TMEFF1: variants seen among roughly 807,000 people sequenced by gnomAD.
TMEFF1 encodes the protein transmembrane protein with EGF like and two follistatin like domains 1.
A neutral mutation model predicts 47.5 loss-of-function variants in TMEFF1; 20 were observed. That is an observed-to-expected ratio of 0.42 (90% CI 0.30 to 0.61). TMEFF1 has a LOEUF of 0.61. Ranked by LOEUF, TMEFF1 falls within the 20% of genes least tolerant of loss-of-function variation. TMEFF1 has a pLI of 0.19. For synonymous variants in TMEFF1, 162 were observed against 166.3 expected (o/e 0.97, Z 0.20); for missense variants, 411 against 471.1 (o/e 0.87, Z 1.18).
intron 8 of TMEFF1, among the ~76,000 whole-genome samples, chr9:100,568,220 A>T (rs1173098393): frequency 1.3e-5 from 2 of 152,132 alleles, no homozygotes; most frequent in Admixed American, 1.3e-4. Flanking sequence ...GTTCTTTTTG[A>T]TACTCTGATT....
Position 100,473,523 on chromosome 9 carries a change from C to G in TMEFF1, c.-22C>G, listed in dbSNP as rs973772006. ...CCCGGCCTGCGGCTCCCTGCGCTTC[C>G]CGCCGTCCAGGGGCACCAGTCATGG... is the stretch of plus-strand genomic sequence containing the variant. On this transcript the variant is annotated 5_prime_UTR_variant, in exon 1 of 10. Coordinates refer to ENST00000374879, the MANE Select transcript of TMEFF1 (RefSeq NM_003692.5). This position sits in a 1 kb window ranked among gnomAD's most constrained non-coding sequence, Gnocchi z 5.4. The G allele has an allele frequency of 7.1e-7, 1 of 1,407,158 alleles. No homozygotes were observed. 87.2% of individuals were successfully genotyped at this position (1,407,158 alleles called of 1,614,324 possible).
chr9:100,486,772 A>G (rs1837457528), intron 1 of TMEFF1, among the ~76,000 whole-genome samples: 1 of 152,058 alleles, frequency 6.6e-6, no homozygotes, highest in South Asian at 2.1e-4. Context: ...AGCTGAGACC[A>G]CAGACGTGTG....
chr9:100,555,714 GGCT>G (rs1838903401), intron 7 of TMEFF1, among the ~76,000 whole-genome samples: 2 of 152,226 alleles, frequency 1.3e-5, no homozygotes, highest in East Asian at 3.9e-4. Flanking sequence ...TGAGTAACCT[GGCT>G]GTGCTCAACA....
intron 5 of TMEFF1, among the ~76,000 whole-genome samples, 198 bp from the exon 6 acceptor site, chr9:100,547,546 A>G (rs1838759162): frequency 6.6e-6 from 1 of 152,226 alleles, no homozygotes; most frequent in South Asian, 2.1e-4. Context: ...GATTCATAAT[A>G]TCTTGATGAA....
intron 1 of TMEFF1, among the ~76,000 whole-genome samples, chr9:100,495,999 G>C (rs1464817709): frequency 6.6e-6 from 1 of 152,242 alleles, no homozygotes; most frequent in Admixed American, 6.5e-5. Flanking sequence ...TATCCTGCTA[G>C]ATACATTGCT....
At chr9:100,560,644 A>G (rs1001061723) in intron 7 of TMEFF1, among the ~76,000 whole-genome samples, 1 of 152,150 alleles carries the variant, frequency 6.6e-6, no homozygotes, top group Non-Finnish European at 1.5e-5. Flanking sequence ...GACCTGTTCC[A>G]TCTCTCCTTC....
chr9:100,479,773 A>G (rs1837305441), intron 1 of TMEFF1, among the ~76,000 whole-genome samples: 1 of 152,108 alleles, frequency 6.6e-6, no homozygotes, highest in Admixed American at 6.5e-5. Context: ...TTCTCTACTG[A>G]TGGATATTTG....
chr9:100,505,059 A>G (rs952987648), intron 2 of TMEFF1, among the ~76,000 whole-genome samples: 1 of 152,228 alleles, frequency 6.6e-6, no homozygotes, highest in Admixed American at 6.5e-5. Flanking sequence ...TATGATTACC[A>G]TAGAAGAAAA....
intron 2 of TMEFF1, among the ~76,000 whole-genome samples, chr9:100,501,463 T>TC (rs1236152081): frequency 6.6e-6 from 1 of 152,170 alleles, no homozygotes; most frequent in Non-Finnish European, 1.5e-5. Flanking sequence ...GTGTCTAGTT[T>TC]CTGGGGTATT....
At chr9:100,547,564 C>G (rs1235062781) in intron 5 of TMEFF1, among the ~76,000 whole-genome samples, 180 bp from the exon 6 acceptor site, 1 of 152,182 alleles carries the variant, frequency 6.6e-6, no homozygotes, top group African/African-American at 2.4e-5. Flanking sequence ...GAAATTATCT[C>G]TAAATCCTCA....
At chr9:100,482,703 A>AGCCTGTTTG (rs1837364978) in intron 1 of TMEFF1, among the ~76,000 whole-genome samples, 1 of 152,124 alleles carries the variant, frequency 6.6e-6, no homozygotes, top group Non-Finnish European at 1.5e-5. Flanking sequence ...TCTTAATTTG[A>AGCCTGTTTG]GATGGAGAGC....
At chr9:100,501,528 C>T (rs1837759837) in intron 2 of TMEFF1, among the ~76,000 whole-genome samples, 1 of 152,014 alleles carries the variant, frequency 6.6e-6, no homozygotes, top group South Asian at 2.1e-4. Flanking sequence ...TATACATACT[C>T]TGTGCAATAC....
At chr9:100,500,386 G>A (rs1417175200) in intron 2 of TMEFF1, among the ~76,000 whole-genome samples, 1 of 152,108 alleles carries the variant, frequency 6.6e-6, no homozygotes, top group East Asian at 1.9e-4. Flanking sequence ...CTTCCATGAT[G>A]TGTTAGACCT....
intron 2 of TMEFF1, 42 bp downstream of exon 2, chr9:100,498,916 G>A (rs371746923): frequency 8.2e-5 from 130 of 1,578,880 alleles, no homozygotes; most frequent in Non-Finnish European, 1.0e-4. Context: ...TATATTCTTC[G>A]TATTTTATAA....
At chr9:100,540,005 G>A (rs962380819) in intron 5 of TMEFF1, among the ~76,000 whole-genome samples, 4 of 152,114 alleles carry the variant, frequency 2.6e-5, no homozygotes, top group Non-Finnish European at 5.9e-5. Flanking sequence ...CCTTTAGCTA[G>A]ACAGAGTGCT....
intron 7 of TMEFF1, among the ~76,000 whole-genome samples, chr9:100,551,298 A>T (rs1380719661): frequency 6.6e-6 from 1 of 152,238 alleles, no homozygotes; most frequent in African/African-American, 2.4e-5. Flanking sequence ...AGTGTTCAAC[A>T]AATGGTAGCT....
intron 5 of TMEFF1, among the ~76,000 whole-genome samples, chr9:100,535,543 G>A (rs925136685): frequency 1.3e-5 from 2 of 152,206 alleles, no homozygotes; most frequent in African/African-American, 4.8e-5. Flanking sequence ...GGCCGAGGTG[G>A]GGGAATCACT....
intron 5 of TMEFF1, among the ~76,000 whole-genome samples, chr9:100,537,309 G>A (rs1431398097): frequency 6.6e-6 from 1 of 152,164 alleles, no homozygotes; most frequent in Non-Finnish European, 1.5e-5. Context: ...TACTGAATTT[G>A]GAGGGTGATG....
At chr9:100,515,411 A>T (rs1399800744) in intron 4 of TMEFF1, among the ~76,000 whole-genome samples, 1 of 152,156 alleles carries the variant, frequency 6.6e-6, no homozygotes, top group African/African-American at 2.4e-5. Context: ...GGACAGGCAG[A>T]CACCAAAAAT....
Sources: allele counts gnomAD v4.1 joint callset (sites outside exome capture counted in the v4.1 genomes callset), GRCh38; gene constraint gnomAD v4.1.1; non-coding constraint Gnocchi (gnomAD v3.1); transcripts MANE v1.5; gene names NCBI Gene and HGNC (gene_info 2026-07-23, HGNC 2026-07-21).